SNTG1: variants seen among roughly 807,000 people sequenced by gnomAD.
SNTG1 encodes the protein syntrophin gamma 1.
Under a neutral mutation model 74.7 loss-of-function variants are expected in SNTG1, and 39 were observed. The ratio of observed to expected loss-of-function variants is 0.52; its 90% confidence interval spans 0.40 to 0.68. The LOEUF is 0.68. Ranked by LOEUF, SNTG1 falls within the 30% of genes least tolerant of loss-of-function variation. The probability of loss-of-function intolerance (pLI) is 0.00; values close to 1 mark genes in which losing one functional copy is unlikely to be tolerated. For missense variants in SNTG1, 685 were observed against 609.5 expected, an observed-to-expected ratio of 1.12 and a Z score of -1.30; for synonymous variants, 254 against 217.1, an observed-to-expected ratio of 1.17 and a Z score of -1.49.
intron 12 of SNTG1, among the ~76,000 whole-genome samples, chr8:50,560,417 G>A (rs998116557): frequency 1.2e-4 from 19 of 152,152 alleles, no homozygotes; most frequent in African/African-American, 3.9e-4. Flanking sequence ...ACACATGCAC[G>A]TGTATGCTCA....
At chr8:50,014,272 T>A (rs1376815932) in intron 1 of SNTG1, among the ~76,000 whole-genome samples, 1 of 152,092 alleles carries the variant, frequency 6.6e-6, no homozygotes, top group South Asian at 2.1e-4. Context: ...AATCTCTGAG[T>A]GTGTTAGCTA....
At chr8:49,918,790 T>C (rs1806270265) in intron 1 of SNTG1, among the ~76,000 whole-genome samples, 1 of 152,066 alleles carries the variant, frequency 6.6e-6, no homozygotes, top group Non-Finnish European at 1.5e-5. Flanking sequence ...CAGTTATTGA[T>C]GGAAAAAAAG....
At chr8:50,670,587 G>A (rs969259928) in intron 15 of SNTG1, among the ~76,000 whole-genome samples, 1 of 147,176 alleles carries the variant, frequency 6.8e-6, no homozygotes, top group Non-Finnish European at 1.5e-5. Flanking sequence ...TGGGTAGGAA[G>A]AATCAATATC....
At chr8:50,168,793 T>C (rs550713665) in intron 1 of SNTG1, among the ~76,000 whole-genome samples, 18 of 152,316 alleles carry the variant, frequency 1.2e-4, no homozygotes, top group African/African-American at 4.1e-4. Context: ...TCATAATTTC[T>C]AGGAAGTTGC....
chr8:50,150,570 TA>T (rs1253852343), intron 1 of SNTG1, among the ~76,000 whole-genome samples: 1 of 152,130 alleles, frequency 6.6e-6, no homozygotes, highest in Non-Finnish European at 1.5e-5. Flanking sequence ...TACGTCCCAT[TA>T]ATACCTAATT....
chr8:49,932,207 T>A (rs779184032), intron 1 of SNTG1, among the ~76,000 whole-genome samples: 2 of 152,190 alleles, frequency 1.3e-5, no homozygotes, highest in Non-Finnish European at 2.9e-5. Flanking sequence ...CTGTTTTAGT[T>A]CCTATTACAG....
intron 17 of SNTG1, among the ~76,000 whole-genome samples, chr8:50,738,790 C>CAAAA (rs58912248): frequency 7.3e-6 from 1 of 136,818 alleles, no homozygotes. Flanking sequence ...ACAAACCTGA[C>CAAAA]AAAAAAAAAA....
intron 8 of SNTG1, among the ~76,000 whole-genome samples, chr8:50,459,315 T>C (rs967119934): frequency 1.1e-4 from 17 of 152,328 alleles, no homozygotes; most frequent in African/African-American, 3.4e-4. Flanking sequence ...TCAAACTTTG[T>C]TCTGTTTATA....
intron 2 of SNTG1, among the ~76,000 whole-genome samples, chr8:50,196,723 G>A (rs2083783083): frequency 6.6e-6 from 1 of 151,646 alleles, no homozygotes; most frequent in South Asian, 2.1e-4. Context: ...TCGAGAAGCT[G>A]AGGCCGGTGG....
At chr8:50,697,078 T>C (rs2095407828) in intron 15 of SNTG1, among the ~76,000 whole-genome samples, 1 of 152,134 alleles carries the variant, frequency 6.6e-6, no homozygotes, top group African/African-American at 2.4e-5. Flanking sequence ...TCCATAAGTA[T>C]GAGCTGTTTT....
intron 2 of SNTG1, among the ~76,000 whole-genome samples, chr8:50,350,267 C>A (rs1362275606): frequency 6.6e-6 from 1 of 152,104 alleles, no homozygotes; most frequent in Non-Finnish European, 1.5e-5. Context: ...TCCACCGGAG[C>A]CCAGTCCCAC....
chr8:50,759,002 T>C (rs890952187), intron 18 of SNTG1, among the ~76,000 whole-genome samples: 29 of 152,286 alleles, frequency 1.9e-4, no homozygotes, highest in Non-Finnish European at 3.4e-4. Flanking sequence ...ATGATCACCA[T>C]TCTAACTGAC....
chr8:50,321,234 A>G (rs548660160), intron 2 of SNTG1, among the ~76,000 whole-genome samples: 2 of 152,224 alleles, frequency 1.3e-5, no homozygotes, highest in East Asian at 1.9e-4. Context: ...GTGCATATAT[A>G]TGAACAATTG....
rs147381766 is a variant in SNTG1 at position 50,452,392 on chromosome 8, T to G, written c.363+1663T>G. Among the ~76,000 whole-genome samples the G allele has an allele frequency of 3.7e-4, 57 of 152,372 alleles. No individual in the cohort carries two copies. In the East Asian group the frequency reaches 8.3e-3, roughly 22 times the overall value. On this transcript the variant is annotated intron_variant, in intron 8 of 18. Transcript: ENST00000642720. The stretch of plus-strand genomic sequence containing the variant: ...TATGTAAATTTTAAATATAGTCACA[T>G]AAGCAAAGCTGCTTGTAACTTGACT...
At chr8:50,591,124 T>G (rs1004919485) in intron 13 of SNTG1, among the ~76,000 whole-genome samples, 1 of 152,126 alleles carries the variant, frequency 6.6e-6, no homozygotes, top group Non-Finnish European at 1.5e-5. Context: ...TTAAAAATGT[T>G]TATCTAAGTC....
intron 9 of SNTG1, among the ~76,000 whole-genome samples, chr8:50,523,976 A>G (rs2094200373): frequency 6.6e-6 from 1 of 152,138 alleles, no homozygotes; most frequent in Non-Finnish European, 1.5e-5. Flanking sequence ...CATTTAAATA[A>G]TTGCTGATAG....
At chr8:50,044,420 T>A (rs973097845) in intron 1 of SNTG1, among the ~76,000 whole-genome samples, 4 of 152,178 alleles carry the variant, frequency 2.6e-5, no homozygotes, top group African/African-American at 9.7e-5. Context: ...TAAACCGGAT[T>A]TCAAAAGCAC....
intron 8 of SNTG1, among the ~76,000 whole-genome samples, chr8:50,482,410 G>T (rs543736568): frequency 6.6e-6 from 1 of 152,234 alleles, no homozygotes; most frequent in African/African-American, 2.4e-5. Context: ...CACCTGCTTT[G>T]CAAAGGAAAT....
At chr8:50,541,982 C>A (rs2094350517) in intron 11 of SNTG1, among the ~76,000 whole-genome samples, 1 of 150,906 alleles carries the variant, frequency 6.6e-6, no homozygotes, top group Non-Finnish European at 1.5e-5. Flanking sequence ...ATCCATGTTG[C>A]TGCAAATGAC....
Sources: gnomAD v4.1 joint callset for allele counts (sites outside exome capture counted in the v4.1 genomes callset) on GRCh38, gnomAD v4.1.1 for gene constraint, MANE v1.5 for transcripts, NCBI Gene and HGNC (gene_info 2026-07-23, HGNC 2026-07-21) for gene names.